Variants in RNF121 observed in about 807,000 individuals in gnomAD.
RNF121 encodes the protein ring finger protein 121, also known as E3 ubiquitin ligase RNF121.
Under a neutral mutation model 46.5 loss-of-function variants are expected in RNF121, and 21 were observed. That is an observed-to-expected ratio of 0.45 (90% confidence interval 0.32 to 0.65). RNF121 has a LOEUF of 0.65. Among genes scored for constraint, RNF121 ranks in the 30% least tolerant of loss-of-function variants. The probability of loss-of-function intolerance (pLI) is 0.04; values close to 1 mark genes in which losing one functional copy is unlikely to be tolerated. For synonymous variants in RNF121, 139 were observed against 144.7 expected (o/e 0.96, Z 0.28); for missense variants, 346 against 416.0 (o/e 0.83, Z 1.46).
At chr11:71,932,573 A>G (rs1236564697) in intron 1 of RNF121, among the ~76,000 whole-genome samples, 1 of 152,214 alleles carries the variant, frequency 6.6e-6, no homozygotes, top group Admixed American at 6.5e-5. Context: ...AGCATTTTGA[A>G]TCTCACATTT....
At chr11:71,985,244 A>G (rs1241109232) in intron 4 of RNF121, among the ~76,000 whole-genome samples, 1 of 152,152 alleles carries the variant, frequency 6.6e-6, no homozygotes, top group Non-Finnish European at 1.5e-5. Context: ...ACTTTTGTGA[A>G]CATCCTTATT....
chr11:71,943,995 G>T (rs1953653180), intron 1 of RNF121, among the ~76,000 whole-genome samples: 1 of 152,098 alleles, frequency 6.6e-6, no homozygotes, highest in African/African-American at 2.4e-5. Context: ...TGAGGAGTTT[G>T]GATTTTTATC....
In RNF121 at chr11:71,987,109, C is replaced by G. The variant is rs146102089; in HGVS notation, c.504C>G (p.Phe168Leu). ...CCCTCTTTGGTCTTAACTTATTATT[C>G]AAGTGAGTACCCTTTGTTTTTGTTT... ...MFTLFGLNLL[F>L]KIKPEDAMDF... Residue 168 changes from phenylalanine (F) to leucine (L), a missense_variant and splice_region_variant, in exon 5 of 9, where the codon TTC becomes TTG. Phe to Leu is a conservative substitution (Grantham distance 22, BLOSUM62 0). Transcript: ENST00000361756. 3.2e-6 allele frequency: 5 copies of G among 1,583,474 alleles called. No homozygotes were observed. In the African/African-American group the frequency reaches 5.4e-5, roughly 17 times the overall value.
At chr11:71,943,450 A>G (rs1953635989) in intron 1 of RNF121, among the ~76,000 whole-genome samples, 1 of 152,222 alleles carries the variant, frequency 6.6e-6, no homozygotes, top group African/African-American at 2.4e-5. Flanking sequence ...TGACAAGTCA[A>G]TAAGGTAATG....
At position 71,929,047 on chromosome 11, in the gene RNF121, G is replaced by A. The variant is rs751636980; in HGVS notation, c.-15G>A. The A allele has an allele frequency of 1.9e-5, 29 of 1,550,970 alleles. No individual in the cohort carries two copies. The Admixed American group carries it at 2.6e-4, about 14-fold the overall frequency. ...GGCTCGCGCGGGGACTGCGGTGAGG[G>A]GGCGAGCCGTGAAGATGGCGGCAGT... On this transcript the variant is annotated 5_prime_UTR_variant, in exon 1 of 9. Transcript: ENST00000361756.
chr11:71,988,533 G>A (rs1356938255), intron 5 of RNF121, among the ~76,000 whole-genome samples: 2 of 151,942 alleles, frequency 1.3e-5, no homozygotes, highest in Non-Finnish European at 2.9e-5. Context: ...GCCAGGTGTG[G>A]TGGCTCTCAC....
rs999232172 is a variant in RNF121 at position 71,955,884 on chromosome 11, C to A, written c.64-1343C>A. 2.6e-5 allele frequency among the ~76,000 whole-genome samples: 4 copies of A among 152,296 alleles called. No individual in the cohort carries two copies. The East Asian group carries it at 5.8e-4, about 22-fold the overall frequency. On this transcript the variant is annotated intron_variant, in intron 1 of 8. Transcript: ENST00000361756. ...CTGAGTCAGGGCACCTGAATAAATT[C>A]TGTGAGGCAGTGTGGGTAGGAAAAG... is the stretch of plus-strand genomic sequence containing the variant.
chr11:71,960,003 A>G (rs1251930439), intron 2 of RNF121, among the ~76,000 whole-genome samples: 1 of 152,172 alleles, frequency 6.6e-6, no homozygotes, highest in South Asian at 2.1e-4. Context: ...GACTGTTCTT[A>G]GAACAAGTTT....
chr11:71,931,477 A>T (rs1020124673), intron 1 of RNF121, among the ~76,000 whole-genome samples: 1 of 152,196 alleles, frequency 6.6e-6, no homozygotes, highest in African/African-American at 2.4e-5. Flanking sequence ...GTTGGTATTC[A>T]GGTTTCTACT....
intron 3 of RNF121, among the ~76,000 whole-genome samples, chr11:71,969,367 A>G (rs1008546145): frequency 2.6e-5 from 4 of 152,196 alleles, no homozygotes; most frequent in African/African-American, 4.8e-5. Flanking sequence ...TATAGCTACA[A>G]ATAATGGTAA....
intron 3 of RNF121, among the ~76,000 whole-genome samples, chr11:71,971,999 G>A (rs1195981941): frequency 6.6e-6 from 1 of 152,174 alleles, no homozygotes; most frequent in East Asian, 1.9e-4. Context: ...CTCTGAGGGA[G>A]TAAATAGGTA....
chr11:71,971,361 G>T (rs968937824), intron 3 of RNF121, among the ~76,000 whole-genome samples: 1 of 152,136 alleles, frequency 6.6e-6, no homozygotes, highest in Non-Finnish European at 1.5e-5. Flanking sequence ...TACATTGTGG[G>T]TAACAGATGA....
chr11:71,987,527 C>T (rs1191911839), intron 5 of RNF121, among the ~76,000 whole-genome samples: 1 of 152,210 alleles, frequency 6.6e-6, no homozygotes, highest in Non-Finnish European at 1.5e-5. Flanking sequence ...AAACTGTGCC[C>T]TCTGTGCCAA....
chr11:71,933,902 A>G (rs1953335654), intron 1 of RNF121, among the ~76,000 whole-genome samples: 1 of 152,158 alleles, frequency 6.6e-6, no homozygotes, highest in Admixed American at 6.5e-5. Context: ...GCCTAATGGT[A>G]TATGCTTTTT....
intron 5 of RNF121, 23 bp downstream of exon 5, chr11:71,987,134 T>TTTGCTGGAG (rs1954787384): frequency 6.8e-7 from 1 of 1,480,306 alleles, no homozygotes; most frequent in South Asian, 1.1e-5. Context: ...TGTTTTTGTT[T>TTTGCTGGAG]TTGCTGGAGT....
Position 71,983,674 on chromosome 11 carries a change from G to A in RNF121, c.398+759G>A, listed in dbSNP as rs560154321. 3.9e-5 allele frequency: 6 copies of A among 152,328 alleles called. 1 individual carries two copies. The South Asian group carries it at 1.2e-3, about 32-fold the overall frequency. The allele number at this position is 152,328 out of a possible 1,614,324, so 9.4% of individuals were successfully genotyped here. A position where few individuals can be genotyped will look rare whatever the true frequency, so the allele number is the denominator to read the frequency against. Reference sequence around the variant, plus strand: ...TGTGCCAGGCCCTGTGCTGAGTGCTGGGGATACAGAGCTGGATAAGACATG... The same window carrying A: ...TGTGCCAGGCCCTGTGCTGAGTGCTAGGGATACAGAGCTGGATAAGACATG... On this transcript the variant is annotated intron_variant, in intron 4 of 8. Transcript: ENST00000361756.
chr11:71,944,931 TG>T (rs758850843), intron 1 of RNF121, among the ~76,000 whole-genome samples: 3 of 152,210 alleles, frequency 2.0e-5, no homozygotes, highest in Non-Finnish European at 4.4e-5. Flanking sequence ...TATTTACTGC[TG>T]GCTATTAAAG....
At chr11:71,941,031 G>A (rs151110092) in intron 1 of RNF121, among the ~76,000 whole-genome samples, 79 of 152,312 alleles carry the variant, frequency 5.2e-4, no homozygotes, top group African/African-American at 1.7e-3. Flanking sequence ...AAACGTAAGG[G>A]GATAGCAGTG....
At chr11:71,991,329 A>G (rs151046245) in intron 6 of RNF121, among the ~76,000 whole-genome samples, 1 of 152,340 alleles carries the variant, frequency 6.6e-6, no homozygotes, top group East Asian at 1.9e-4. Context: ...CAGGAAGTTA[A>G]CATTCATTCA....
Sources: gnomAD v4.1 joint callset for allele counts (sites outside exome capture counted in the v4.1 genomes callset) on GRCh38, gnomAD v4.1.1 for gene constraint, MANE v1.5 for transcripts, NCBI Gene and HGNC (gene_info 2026-07-23, HGNC 2026-07-21) for gene names.